Variants in VPS13B observed in about 807,000 individuals in gnomAD.
VPS13B encodes vacuolar protein sorting 13 homolog B.
In VPS13B, 285 loss-of-function variants were observed where a neutral mutation model predicts 426.4. The ratio of observed to expected loss-of-function variants is 0.67; its 90% CI spans 0.61 to 0.74. VPS13B has a LOEUF of 0.74. Ranked by LOEUF, VPS13B falls within the 30% of genes least tolerant of loss-of-function variation. The pLI, the probability that VPS13B is intolerant of heterozygous loss-of-function variation, is 0.00. For synonymous variants in VPS13B, 1,676 were observed against 1,676.4 expected (o/e 1.00, Z 0.01); for missense variants, 4,537 against 4,782.6 (o/e 0.95, Z 1.51).
chr8:99,497,367 A>C (rs1023236147), intron 25 of VPS13B, among the ~76,000 whole-genome samples: 1 of 146,684 alleles, frequency 6.8e-6, no homozygotes, highest in African/African-American at 2.5e-5. Flanking sequence ...TAATATGTAT[A>C]TATTTTATAT....
At chr8:99,822,488 T>C (rs561409054) in intron 50 of VPS13B, among the ~76,000 whole-genome samples, 4 of 152,256 alleles carry the variant, frequency 2.6e-5, no homozygotes, top group Middle Eastern at 3.4e-3. Context: ...TCACCCAAAG[T>C]TGAATAGTTG....
chr8:99,685,817 G>T (rs1831369125), intron 35 of VPS13B, among the ~76,000 whole-genome samples: 1 of 152,160 alleles, frequency 6.6e-6, no homozygotes, highest in Non-Finnish European at 1.5e-5. Context: ...TGAAAGAAAG[G>T]TCACATATCT....
intron 31 of VPS13B, among the ~76,000 whole-genome samples, chr8:99,558,158 C>A (rs1214051632): frequency 6.6e-6 from 1 of 152,114 alleles, no homozygotes; most frequent in East Asian, 1.9e-4. Flanking sequence ...TATCACTTTA[C>A]CCAGTTTATT....
At chr8:99,538,048 C>T (rs1458426198) in intron 30 of VPS13B, among the ~76,000 whole-genome samples, 1 of 152,114 alleles carries the variant, frequency 6.6e-6, no homozygotes, top group South Asian at 2.1e-4. Flanking sequence ...TCGACAGATG[C>T]TCTTTAGGTT....
At position 99,695,441 on chromosome 8, in the gene VPS13B, C is replaced by T. The variant is rs1000213978; in HGVS notation, c.6047-4084C>T. On this transcript the variant is annotated intron_variant, in intron 35 of 61. Coordinates refer to ENST00000357162, the MANE Select transcript of VPS13B (RefSeq NM_152564.5). ...GAAAACATCATTCTCAGTAAACTAT[C>T]GCAAGAACAAAAAACCAAACACCGC... Among the ~76,000 whole-genome samples, 11 of 149,284 alleles carry T rather than the reference C, an allele frequency of 7.4e-5. No individual in the cohort carries two copies. The South Asian group carries it at 8.6e-4, about 12-fold the overall frequency.
At chr8:99,280,982 T>G (rs1461929702) in intron 19 of VPS13B, among the ~76,000 whole-genome samples, 2 of 152,162 alleles carry the variant, frequency 1.3e-5, no homozygotes, top group African/African-American at 2.4e-5. Flanking sequence ...CAGAGACAAG[T>G]CTCTATAGCA....
chr8:99,875,186 T>C, intron 61 of VPS13B: 1 of 600,580 alleles, frequency 1.7e-6, no homozygotes. Context: ...CACCAAATGC[T>C]TATTCTAAGG....
chr8:99,382,946 C>A (rs1813900135), intron 19 of VPS13B, among the ~76,000 whole-genome samples: 1 of 152,076 alleles, frequency 6.6e-6, no homozygotes, highest in Non-Finnish European at 1.5e-5. Context: ...TGGCATATTT[C>A]CTATATGCTA....
At chr8:99,454,230 G>T (rs1248257558) in intron 23 of VPS13B, among the ~76,000 whole-genome samples, 1 of 152,058 alleles carries the variant, frequency 6.6e-6, no homozygotes, top group Non-Finnish European at 1.5e-5. Context: ...TGTCACCCAG[G>T]CTAGAGTGTA....
chr8:99,863,141 T>G (rs1339755693), intron 58 of VPS13B, among the ~76,000 whole-genome samples: 2 of 152,154 alleles, frequency 1.3e-5, no homozygotes, highest in Non-Finnish European at 2.9e-5. Flanking sequence ...TTGGGCCTGG[T>G]GATACCATTG....
intron 19 of VPS13B, chr8:99,348,362 G>T (rs1437110858): frequency 6.6e-6 from 1 of 152,098 alleles, no homozygotes; most frequent in Non-Finnish European, 1.5e-5. Context: ...TTTTTAAGTT[G>T]CTAACAAAAT....
intron 19 of VPS13B, among the ~76,000 whole-genome samples, chr8:99,370,605 CTTTTTTTTTTTTTT>C (rs1047111709): frequency 7.0e-5 from 7 of 99,464 alleles, no homozygotes; most frequent in African/African-American, 2.8e-4. Context: ...GAGTGAAGGG[CTTTTTTTTTTTTTT>C]TTTTTTTTGA....
chr8:99,696,972 G>A lies in VPS13B; in HGVS notation c.6047-2553G>A, dbSNP rs746717586. On this transcript the variant is annotated intron_variant, in intron 35 of 61. Coordinates refer to ENST00000357162, the MANE Select transcript of VPS13B (RefSeq NM_152564.5). ...AGGGGTGGACAACCTGAACGTCAAG[G>A]GGCTGCAGCCGGCGTGTGGGAAGTG... is the stretch of plus-strand genomic sequence containing the variant. 1.9e-5 allele frequency: 12 copies of A among 638,106 alleles called. No individual in the cohort carries two copies. In the East Asian group the frequency reaches 2.1e-4, roughly 11 times the overall value. 39.5% of individuals were successfully genotyped at this position (638,106 alleles called of 1,614,324 possible). A position where few individuals can be genotyped will look rare whatever the true frequency, so the allele number is the denominator to read the frequency against.
chr8:99,468,663 A>G (rs538689028), intron 24 of VPS13B, among the ~76,000 whole-genome samples: 1 of 152,218 alleles, frequency 6.6e-6, no homozygotes, highest in South Asian at 2.1e-4. Flanking sequence ...GTAGTGTGCT[A>G]TGATTGCACC....
intron 20 of VPS13B, among the ~76,000 whole-genome samples, chr8:99,385,537 T>C (rs1814069386): frequency 6.6e-6 from 1 of 152,224 alleles, no homozygotes; most frequent in African/African-American, 2.4e-5. Context: ...TTTTTCCTTT[T>C]AATGAGTAGT....
At chr8:99,303,790 G>T (rs924422608) in intron 19 of VPS13B, among the ~76,000 whole-genome samples, 44 of 147,908 alleles carry the variant, frequency 3.0e-4, no homozygotes, top group Non-Finnish European at 2.2e-4. Context: ...TGTTGCTGTG[G>T]TTCAGTGATT....
intron 17 of VPS13B, among the ~76,000 whole-genome samples, chr8:99,245,315 T>A (rs902104291): frequency 4.6e-5 from 7 of 152,210 alleles, no homozygotes; most frequent in Admixed American, 4.6e-4. Flanking sequence ...CTTGTACTTA[T>A]TTAAAGCTTC....
At chr8:99,788,304 A>C (rs1055206736) in intron 43 of VPS13B, among the ~76,000 whole-genome samples, 1 of 148,798 alleles carries the variant, frequency 6.7e-6, no homozygotes, top group South Asian at 2.2e-4. Flanking sequence ...AGTTCTAGCT[A>C]CTTGGGAGGC....
chr8:99,252,185 G>T (rs542021810), intron 17 of VPS13B, among the ~76,000 whole-genome samples: 9 of 151,960 alleles, frequency 5.9e-5, no homozygotes, highest in African/African-American at 2.2e-4. Context: ...AGACTTACTT[G>T]TACTGTGCAC....
Sources: gnomAD v4.1 joint callset for allele counts (sites outside exome capture counted in the v4.1 genomes callset) on GRCh38, gnomAD v4.1.1 for gene constraint, MANE v1.5 for transcripts, NCBI Gene and HGNC (gene_info 2026-07-23, HGNC 2026-07-21) for gene names.